Variants in SLC24A3 observed in about 807,000 individuals in gnomAD.
The protein encoded by SLC24A3 is solute carrier family 24 member 3.
In SLC24A3, 28 loss-of-function variants were observed where a neutral mutation model predicts 75.8. The ratio of observed to expected loss-of-function variants is 0.37; its 90% CI spans 0.27 to 0.51. The LOEUF is 0.51. SLC24A3 is among the 20% of genes least tolerant of loss of function. The pLI, the probability that SLC24A3 is intolerant of heterozygous loss-of-function variation, is 0.94. For synonymous variants in SLC24A3, 372 were observed against 334.1 expected (o/e 1.11, Z -1.24); for missense variants, 663 against 847.8 (o/e 0.78, Z 2.71).
intron 6 of SLC24A3, among the ~76,000 whole-genome samples, chr20:19,600,586 G>A (rs552153961): frequency 6.6e-6 from 1 of 152,338 alleles, no homozygotes; most frequent in East Asian, 1.9e-4. Context: ...GGCAGAGAGA[G>A]TAATTGTAAA....
intron 6 of SLC24A3, among the ~76,000 whole-genome samples, chr20:19,594,676 G>A (rs1247930523): frequency 6.6e-6 from 1 of 152,212 alleles, no homozygotes; most frequent in Non-Finnish European, 1.5e-5. Context: ...AGATTGGTAG[G>A]TAGGTGAGTG....
intron 13 of SLC24A3, chr20:19,696,522 C>T: frequency 2.8e-6 from 1 of 354,490 alleles, no homozygotes. Flanking sequence ...TCTATTTTCT[C>T]TTCTCAAACC....
intron 15 of SLC24A3, among the ~76,000 whole-genome samples, chr20:19,703,149 G>T (rs2032893313): frequency 6.6e-6 from 1 of 152,188 alleles, no homozygotes; most frequent in South Asian, 2.1e-4. Context: ...TCAAGTAGTT[G>T]CTCTCCTTCC....
In SLC24A3 at chr20:19,262,635, A is replaced by G. The variant is rs577047886; in HGVS notation, c.143-18324A>G. On this transcript the variant is annotated intron_variant, in intron 1 of 16. Coordinates refer to ENST00000328041, the MANE Select transcript of SLC24A3 (RefSeq NM_020689.4). ...GATGGCCCATCCCTGGAACTAAGGT[A>G]AAGTCAGGCCACCCCTTCTCCCCTT... 2.6e-5 allele frequency among the ~76,000 whole-genome samples: 4 copies of G among 152,208 alleles called. 1 individual carries two copies. The highest frequency in any genetic ancestry group is 9.6e-5 in the African/African-American group (4 of 41,544).
intron 2 of SLC24A3, among the ~76,000 whole-genome samples, chr20:19,326,408 C>G (rs1027440707): frequency 1.3e-5 from 2 of 152,074 alleles, no homozygotes; most frequent in African/African-American, 2.4e-5. Context: ...CTACTCTCTT[C>G]TTTCACTCTT....
chr20:19,217,184 C>T (rs999189623), intron 1 of SLC24A3, among the ~76,000 whole-genome samples: 5 of 152,198 alleles, frequency 3.3e-5, no homozygotes, highest in Admixed American at 6.5e-5. Context: ...ATGTCATTTT[C>T]GCTATTTTCT....
chr20:19,620,520 C>T (rs983076634), intron 6 of SLC24A3, among the ~76,000 whole-genome samples: 1 of 152,182 alleles, frequency 6.6e-6, no homozygotes, highest in African/African-American at 2.4e-5. Flanking sequence ...GACATTAAAG[C>T]TTGGCAACAA....
chr20:19,683,825 A>G (rs2032641686), intron 10 of SLC24A3, among the ~76,000 whole-genome samples: 1 of 152,242 alleles, frequency 6.6e-6, no homozygotes, highest in African/African-American at 2.4e-5. Flanking sequence ...AAGATTTAAC[A>G]TGAACACCCA....
chr20:19,394,603 G>GA (rs1431628305), intron 2 of SLC24A3, among the ~76,000 whole-genome samples: 3 of 152,236 alleles, frequency 2.0e-5, no homozygotes, highest in South Asian at 4.1e-4. Flanking sequence ...ACAAGTGTAT[G>GA]AAAAAATGCT....
At chr20:19,567,978 G>C (rs916017459) in intron 3 of SLC24A3, among the ~76,000 whole-genome samples, 2 of 151,316 alleles carry the variant, frequency 1.3e-5, no homozygotes, top group Admixed American at 1.3e-4. Flanking sequence ...CGAAGGACTT[G>C]AATAGACTTT....
At chr20:19,639,433 A>G (rs1351622390) in intron 6 of SLC24A3, among the ~76,000 whole-genome samples, 2 of 152,210 alleles carry the variant, frequency 1.3e-5, no homozygotes, top group Non-Finnish European at 2.9e-5. Flanking sequence ...CCTGAGCTAG[A>G]CACAGGGTGC....
intron 6 of SLC24A3, among the ~76,000 whole-genome samples, chr20:19,627,368 AT>A (rs2031878420): frequency 6.6e-6 from 1 of 152,212 alleles, no homozygotes; most frequent in South Asian, 2.1e-4. Flanking sequence ...TCTCCATAGT[AT>A]TTCCACATGT....
intron 1 of SLC24A3, among the ~76,000 whole-genome samples, chr20:19,229,159 A>G (rs1981947550): frequency 7.0e-6 from 1 of 143,814 alleles, no homozygotes; most frequent in African/African-American, 2.5e-5. Flanking sequence ...AAAATTATGA[A>G]GTACTTTTTT....
chr20:19,521,134 C>T (rs1281575686), intron 3 of SLC24A3, among the ~76,000 whole-genome samples: 1 of 152,160 alleles, frequency 6.6e-6, no homozygotes, highest in Non-Finnish European at 1.5e-5. Flanking sequence ...CTCCTTCCCT[C>T]TTTGCCTCCC....
At chr20:19,392,271 C>T (rs909883873) in intron 2 of SLC24A3, among the ~76,000 whole-genome samples, 1 of 152,124 alleles carries the variant, frequency 6.6e-6, no homozygotes, top group East Asian at 1.9e-4. Flanking sequence ...CCTGTGGGTA[C>T]AGGTGGGCAG....
At chr20:19,683,991 T>C (rs935426675) in intron 10 of SLC24A3, among the ~76,000 whole-genome samples, 185 bp from the exon 11 acceptor site, 1 of 151,516 alleles carries the variant, frequency 6.6e-6, no homozygotes, top group African/African-American at 2.4e-5. Context: ...GAAGAATGAA[T>C]GCATGGATGG....
At chr20:19,353,858 T>C (rs184164027) in intron 2 of SLC24A3, among the ~76,000 whole-genome samples, 1 of 152,220 alleles carries the variant, frequency 6.6e-6, no homozygotes, top group East Asian at 1.9e-4. Context: ...TGGACTCTAA[T>C]ATATGGTTGA....
chr20:19,599,839 G>T (rs2031502704), intron 6 of SLC24A3, among the ~76,000 whole-genome samples: 1 of 152,092 alleles, frequency 6.6e-6, no homozygotes, highest in East Asian at 1.9e-4. Flanking sequence ...CCTGTTCCTG[G>T]CATCTACTCT....
At chr20:19,287,936 C>T (rs1156746212) in intron 2 of SLC24A3, among the ~76,000 whole-genome samples, 1 of 152,196 alleles carries the variant, frequency 6.6e-6, no homozygotes, top group Non-Finnish European at 1.5e-5. Context: ...ATGCCTTCTT[C>T]CCAGGCTTGT....
Sources: gnomAD v4.1 joint callset for allele counts (sites outside exome capture counted in the v4.1 genomes callset) on GRCh38, gnomAD v4.1.1 for gene constraint, MANE v1.5 for transcripts, NCBI Gene and HGNC (gene_info 2026-07-23, HGNC 2026-07-21) for gene names.